NTM: variants seen among roughly 807,000 people sequenced by gnomAD.
The protein encoded by NTM is neurotrimin, also known as IgLON family member 2.
A neutral mutation model predicts 42.1 loss-of-function variants in NTM; 13 were observed. The observed-to-expected ratio is 0.31, with a 90% CI of 0.20 to 0.49. NTM has a LOEUF of 0.49. Ranked by LOEUF, NTM falls within the 20% of genes least tolerant of loss-of-function variation. The pLI is 0.99. For synonymous variants in NTM, 187 were observed against 179.2 expected, an observed-to-expected ratio of 1.04 and a Z score of -0.35; for missense variants, 373 against 452.8, an observed-to-expected ratio of 0.82 and a Z score of 1.60.
At chr11:131,459,452 A>G (rs749536068) in intron 1 of NTM, among the ~76,000 whole-genome samples, 16 of 152,248 alleles carry the variant, frequency 1.1e-4, no homozygotes, top group Admixed American at 2.6e-4. Flanking sequence ...TTTATTATGA[A>G]TGTTCAGAAT....
At chr11:132,031,616 A>G (rs971284495) in intron 2 of NTM, among the ~76,000 whole-genome samples, 1 of 152,118 alleles carries the variant, frequency 6.6e-6, no homozygotes, top group African/African-American at 2.4e-5. Flanking sequence ...TCAAGTTTGA[A>G]GGTTGAGGGC....
At chr11:131,501,126 C>A (rs2046772437) in intron 1 of NTM, among the ~76,000 whole-genome samples, 2 of 152,092 alleles carry the variant, frequency 1.3e-5, no homozygotes, top group Non-Finnish European at 2.9e-5. Context: ...TACGTAACCA[C>A]AATCCAACCA....
At chr11:132,247,987 C>T (rs1316515290) in intron 4 of NTM, among the ~76,000 whole-genome samples, 2 of 152,144 alleles carry the variant, frequency 1.3e-5, no homozygotes, top group Admixed American at 1.3e-4. Flanking sequence ...TCCACAGGCC[C>T]TAGAGAGAGC....
intron 1 of NTM, among the ~76,000 whole-genome samples, chr11:131,552,450 A>G (rs1321982196): frequency 6.6e-6 from 1 of 151,198 alleles, no homozygotes; most frequent in Non-Finnish European, 1.5e-5. Flanking sequence ...TGTTTAAAGC[A>G]GCCTCAAGAG....
chr11:131,926,639 A>G (rs887585371), intron 2 of NTM, among the ~76,000 whole-genome samples: 1 of 152,212 alleles, frequency 6.6e-6, no homozygotes, highest in African/African-American at 2.4e-5. Flanking sequence ...GTGAATGATG[A>G]TAGGAGCACA....
chr11:132,100,485 C>A (rs1188184063), intron 2 of NTM, among the ~76,000 whole-genome samples: 1 of 152,198 alleles, frequency 6.6e-6, no homozygotes, highest in African/African-American at 2.4e-5. Context: ...CCCACTAGCA[C>A]ATGCTTCTGT....
intron 4 of NTM, among the ~76,000 whole-genome samples, chr11:132,304,268 T>G (rs1266103552): frequency 6.6e-6 from 1 of 152,158 alleles, no homozygotes; most frequent in Non-Finnish European, 1.5e-5. Context: ...ATGCATTTTC[T>G]TTACAGAAAG....
chr11:132,098,382 C>A (rs944138613), intron 2 of NTM, among the ~76,000 whole-genome samples: 1 of 152,146 alleles, frequency 6.6e-6, no homozygotes, highest in African/African-American at 2.4e-5. Context: ...TGTGAAGAGC[C>A]TTTGGCGTTG....
intron 2 of NTM, among the ~76,000 whole-genome samples, chr11:131,984,893 G>A (rs907093372): frequency 6.6e-6 from 1 of 152,202 alleles, no homozygotes; most frequent in African/African-American, 2.4e-5. Context: ...GAAAGGGCGT[G>A]GAAAGGAAGG....
At chr11:132,307,643 C>CT (rs751927293) in intron 4 of NTM, 46 bp from the exon 5 acceptor site, 64 of 1,604,974 alleles carry the variant, frequency 4.0e-5, no homozygotes, top group Non-Finnish European at 4.8e-5. Flanking sequence ...CATGTTTGGT[C>CT]TTTTTTTTCC....
At chr11:131,570,020 T>A (rs2057303957) in intron 1 of NTM, among the ~76,000 whole-genome samples, 1 of 152,204 alleles carries the variant, frequency 6.6e-6, no homozygotes, top group South Asian at 2.1e-4. Flanking sequence ...TCAGGGAAGC[T>A]CCTAGGAGCT....
chr11:132,261,930 T>C (rs2139551960), intron 4 of NTM, among the ~76,000 whole-genome samples: 1 of 152,304 alleles, frequency 6.6e-6, no homozygotes, highest in South Asian at 2.1e-4. Flanking sequence ...CAGCTGCAGA[T>C]CCAGGGCTTG....
chr11:132,169,493 G>A (rs1330054150), intron 3 of NTM, among the ~76,000 whole-genome samples: 2 of 151,218 alleles, frequency 1.3e-5, no homozygotes, highest in African/African-American at 2.4e-5. Context: ...CCACCTCCAC[G>A]CCTGGCTAAG....
chr11:131,613,966 C>T (rs537108280), intron 1 of NTM, among the ~76,000 whole-genome samples: 11 of 152,340 alleles, frequency 7.2e-5, no homozygotes, highest in South Asian at 4.1e-4. Context: ...TCTTTCTACA[C>T]GCAGACATGC....
intron 2 of NTM, among the ~76,000 whole-genome samples, chr11:132,011,154 T>C (rs1227032514): frequency 6.6e-6 from 1 of 152,116 alleles, no homozygotes; most frequent in Non-Finnish European, 1.5e-5. Context: ...ATTTGTTCCA[T>C]TAAATATGTG....
At chr11:131,433,847 G>A (rs1302842402) in intron 1 of NTM, among the ~76,000 whole-genome samples, 3 of 152,162 alleles carry the variant, frequency 2.0e-5, no homozygotes, top group African/African-American at 4.8e-5. Context: ...TGTGCACAAC[G>A]TGCAGGTTGT....
At chr11:132,333,442 A>G (rs2095837899) in intron 8 of NTM, among the ~76,000 whole-genome samples, 1 of 152,250 alleles carries the variant, frequency 6.6e-6, no homozygotes, top group Non-Finnish European at 1.5e-5. Flanking sequence ...CAAAGGGGGA[A>G]CGTCTGGTGA....
chr11:131,858,248 G>T (rs145290518), intron 1 of NTM, among the ~76,000 whole-genome samples: 1 of 151,656 alleles, frequency 6.6e-6, no homozygotes, highest in Admixed American at 6.6e-5. Context: ...GTTACTTTGC[G>T]GAAGCTTCTA....
At chr11:131,843,572 T>C (rs1388532691) in intron 1 of NTM, among the ~76,000 whole-genome samples, 1 of 152,232 alleles carries the variant, frequency 6.6e-6, no homozygotes, top group Non-Finnish European at 1.5e-5. Context: ...TAAACATGCA[T>C]GTATGCAGCT....
Sources: gnomAD v4.1 joint callset for allele counts (sites outside exome capture counted in the v4.1 genomes callset) on GRCh38, gnomAD v4.1.1 for gene constraint, MANE v1.5 for transcripts, NCBI Gene and HGNC (gene_info 2026-07-23, HGNC 2026-07-21) for gene names.